TMEM164: variants seen among roughly 807,000 people sequenced by gnomAD.
TMEM164 encodes RP13-360B22.2.
In TMEM164, 4 loss-of-function variants were observed where a neutral mutation model predicts 18.8. The observed-to-expected ratio is 0.21, with a 90% CI of 0.10 to 0.49. TMEM164 has a LOEUF of 0.49. Ranked by LOEUF, TMEM164 falls within the 20% of genes least tolerant of loss-of-function variation. The pLI is 0.98. For synonymous variants in TMEM164, 86 were observed against 101.7 expected, an observed-to-expected ratio of 0.85 and a Z score of 0.93; for missense variants, 108 against 239.9, an observed-to-expected ratio of 0.45 and a Z score of 3.63.
intron 4 of TMEM164, among the ~76,000 whole-genome samples, chrX:110,113,621 T>C (rs777742110): frequency 8.9e-6 from 1 of 112,141 alleles, no homozygotes; most frequent in South Asian, 3.7e-4. Flanking sequence ...GACATACATA[T>C]ACTCACATAC....
chrX:110,171,592 T>G (rs2067231793), intron 6 of TMEM164, 72 bp downstream of exon 6: 1 of 852,339 alleles, frequency 1.2e-6, no homozygotes, highest in Admixed American at 2.2e-5. Context: ...TCCTGGTTGG[T>G]GCTGACGTAT....
chrX:110,098,950 ATT>A lies in TMEM164; in HGVS notation c.441-10110_441-10109del, dbSNP rs772519388. ...AGGCACCCGCCACCACACCCGGCTA[ATT>A]TTTTTTTTTTTTTTTTTTTGTATTT... On this transcript the variant is annotated intron_variant, in intron 3 of 6. Coordinates refer to ENST00000372068, the MANE Select transcript of TMEM164 (RefSeq NM_032227.4). Among the ~76,000 whole-genome samples, 437 of 85,047 alleles carry A rather than the reference ATT, an allele frequency of 5.1e-3. 4 individuals are homozygous for A. Among genetic ancestry groups the A allele is most frequent in the African/African-American group, 0.019 (419 of 22,607 alleles). 73.9% of individuals were successfully genotyped at this position (85,047 alleles called of 115,157 possible).
At chrX:110,105,354 A>G (rs1387124794) in intron 3 of TMEM164, among the ~76,000 whole-genome samples, 1 of 110,877 alleles carries the variant, frequency 9.0e-6, no homozygotes, top group Admixed American at 9.7e-5. Context: ...TGAATTGGGT[A>G]CTATTATGGT....
chrX:110,168,137 G>A lies in TMEM164; in HGVS notation c.587-3283G>A, dbSNP rs1181759205. ...CGGGACAACAGGACTGGGGGCTCCA[G>A]CAGTGGGAGGAGTGGCAGCCTAAGC... On this transcript the variant is annotated intron_variant, in intron 5 of 6. Coordinates refer to ENST00000372068, the MANE Select transcript of TMEM164 (RefSeq NM_032227.4). Among the ~76,000 whole-genome samples, 3 of 112,707 alleles carry A rather than the reference G, an allele frequency of 2.7e-5. 1 individual carries two copies. Among genetic ancestry groups the A allele is most frequent in the African/African-American group, 9.7e-5 (3 of 31,083 alleles).
At chrX:110,145,489 T>C (rs2066840715) in intron 5 of TMEM164, among the ~76,000 whole-genome samples, 1 of 111,724 alleles carries the variant, frequency 9.0e-6, no homozygotes, top group Admixed American at 9.4e-5. Flanking sequence ...ATCCCTTCCC[T>C]CTATTGTGTA....
chrX:110,155,006 G>A (rs1312492089), intron 5 of TMEM164, among the ~76,000 whole-genome samples: 2 of 111,669 alleles, frequency 1.8e-5, no homozygotes, highest in Non-Finnish European at 3.8e-5. Flanking sequence ...TAAATACTAT[G>A]TATTGGGTTT....
At chrX:110,071,469 T>C (rs1288369115) in intron 3 of TMEM164, among the ~76,000 whole-genome samples, 2 of 110,569 alleles carry the variant, frequency 1.8e-5, no homozygotes, top group East Asian at 2.8e-4. Flanking sequence ...CCGCTGATCA[T>C]AGTATATTAT....
intron 3 of TMEM164, among the ~76,000 whole-genome samples, chrX:110,074,832 C>T (rs1451086197): frequency 2.7e-5 from 3 of 111,827 alleles, no homozygotes; most frequent in Non-Finnish European, 5.6e-5. Flanking sequence ...TGTTTTTGTA[C>T]CACTACCATG....
At chrX:110,008,624 G>A (rs747251299) in intron 2 of TMEM164, among the ~76,000 whole-genome samples, 1 of 111,440 alleles carries the variant, frequency 9.0e-6, no homozygotes, top group Non-Finnish European at 1.9e-5. Context: ...AGTCATTGGG[G>A]GTGTCCATAT....
At chrX:110,013,012 G>C (rs1159604629) in intron 2 of TMEM164, among the ~76,000 whole-genome samples, 1 of 112,167 alleles carries the variant, frequency 8.9e-6, no homozygotes, top group Non-Finnish European at 1.9e-5. Flanking sequence ...GGCGAAAACA[G>C]TGCAAGCTCT....
chrX:110,152,284 G>T (rs2066954102), intron 5 of TMEM164, among the ~76,000 whole-genome samples: 1 of 109,780 alleles, frequency 9.1e-6, no homozygotes, highest in African/African-American at 3.3e-5. Context: ...TTGATCTCTT[G>T]ACCTCGTGAT....
At chrX:110,029,881 C>G (rs1934371852) in intron 2 of TMEM164, among the ~76,000 whole-genome samples, 1 of 110,808 alleles carries the variant, frequency 9.0e-6, no homozygotes, top group Non-Finnish European at 1.9e-5. Flanking sequence ...GAGCAGGTGA[C>G]CCAGTTAGGG....
At chrX:110,129,620 A>T (rs1348396955) in intron 4 of TMEM164, among the ~76,000 whole-genome samples, 2 of 112,840 alleles carry the variant, frequency 1.8e-5, no homozygotes, top group Non-Finnish European at 3.7e-5. Context: ...GGATGTTTTC[A>T]GTGGTAGATT....
At position 110,091,041 on chromosome X, in the gene TMEM164, C is replaced by T. The variant is rs1215946141; in HGVS notation, c.441-18039C>T. On this transcript the variant is annotated intron_variant, in intron 3 of 6. Transcript: ENST00000372068. ...GTCCCTACAAAGGACATGAACTCAT[C>T]CTTTTTTATGGCTGCATAGTATTCC... Among the ~76,000 whole-genome samples the T allele has an allele frequency of 2.7e-5, 3 of 111,582 alleles. No individual in the cohort carries two copies. The East Asian group carries it at 8.4e-4, about 31-fold the overall frequency.
At chrX:110,020,079 C>G (rs1933721617) in intron 2 of TMEM164, among the ~76,000 whole-genome samples, 1 of 112,212 alleles carries the variant, frequency 8.9e-6, no homozygotes, top group South Asian at 3.6e-4. Flanking sequence ...AGCCTCTAAG[C>G]CGGATTTAGC....
At chrX:110,025,132 C>A (rs1035430993) in intron 2 of TMEM164, among the ~76,000 whole-genome samples, 1 of 110,759 alleles carries the variant, frequency 9.0e-6, no homozygotes, top group African/African-American at 3.3e-5. Flanking sequence ...TTCCTCCTCT[C>A]CTGCTGGCTC....
intron 2 of TMEM164, among the ~76,000 whole-genome samples, chrX:110,059,059 A>G: frequency 9.0e-6 from 1 of 111,575 alleles, no homozygotes; most frequent in Admixed American, 9.5e-5. Context: ...GTCTGTTACC[A>G]AATCCTAGGT....
chrX:110,123,444 G>C (rs902298635), intron 4 of TMEM164, among the ~76,000 whole-genome samples: 1 of 111,858 alleles, frequency 8.9e-6, no homozygotes, highest in African/African-American at 3.3e-5. Flanking sequence ...GAGCAATATA[G>C]TGTTCAGATG....
rs535254560 is a variant in TMEM164, at chrX:110,018,567, T to C, written c.390+14403T>C. 1.8e-4 allele frequency among the ~76,000 whole-genome samples: 20 copies of C among 112,512 alleles called. No individual in the cohort carries two copies. In the South Asian group the frequency reaches 7.3e-3, roughly 41 times the overall value. The stretch of plus-strand genomic sequence containing the variant: ...TAGGCATGGTTTTTGATTTGTTTTG[T>C]TTTATTTTGTTTGAGGTCTTCCAAG... On this transcript the variant is annotated intron_variant, in intron 2 of 6. Coordinates refer to ENST00000372068, the MANE Select transcript of TMEM164 (RefSeq NM_032227.4).
Sources: allele counts gnomAD v4.1 joint callset (sites outside exome capture counted in the v4.1 genomes callset), GRCh38; gene constraint gnomAD v4.1.1; transcripts MANE v1.5; gene names NCBI Gene and HGNC (gene_info 2026-07-23, HGNC 2026-07-21).